Variants in AUTS2 observed in about 807,000 individuals in gnomAD.
The protein encoded by AUTS2 is activator of transcription and developmental regulator AUTS2, also known as autism susceptibility gene 2 protein.
A neutral mutation model predicts 112.4 loss-of-function variants in AUTS2; 17 were observed. The observed-to-expected ratio is 0.15, with a 90% CI of 0.10 to 0.23. The LOEUF is 0.23. Among genes scored for constraint, AUTS2 ranks in the 10% least tolerant of loss-of-function variants. The pLI is 1.00. For synonymous variants in AUTS2, 751 were observed against 702.7 expected (o/e 1.07, Z -1.09); for missense variants, 1,510 against 1,701.6 (o/e 0.89, Z 1.98).
At chr7:69,821,089 G>A (rs908958310) in intron 1 of AUTS2, among the ~76,000 whole-genome samples, 2 of 152,158 alleles carry the variant, frequency 1.3e-5, no homozygotes, top group African/African-American at 2.4e-5. Flanking sequence ...AGGGGTAACT[G>A]TAAAAAGTGA....
chr7:70,063,481 G>A (rs187730838), intron 2 of AUTS2, among the ~76,000 whole-genome samples: 2 of 152,160 alleles, frequency 1.3e-5, no homozygotes, highest in East Asian at 3.9e-4. Context: ...TGTGATCATG[G>A]GCGAGTTATT....
chr7:70,665,286 CAG>C, intron 5 of AUTS2, among the ~76,000 whole-genome samples: 1 of 151,890 alleles, frequency 6.6e-6, no homozygotes. Flanking sequence ...TCTCCTAAGA[CAG>C]GGTCTCGTTC....
At chr7:69,996,256 A>G (rs1200541288) in intron 2 of AUTS2, among the ~76,000 whole-genome samples, 1 of 152,208 alleles carries the variant, frequency 6.6e-6, no homozygotes, top group East Asian at 1.9e-4. Context: ...TGCTATGGCA[A>G]GGTATGCTAC....
At chr7:69,732,614 C>T (rs955021319) in intron 1 of AUTS2, among the ~76,000 whole-genome samples, 2 of 151,968 alleles carry the variant, frequency 1.3e-5, no homozygotes, top group African/African-American at 4.8e-5. Context: ...AAAGTGTTGG[C>T]TATGGTTAAT....
At chr7:70,633,578 T>C (rs1805381338) in intron 5 of AUTS2, among the ~76,000 whole-genome samples, 1 of 132,214 alleles carries the variant, frequency 7.6e-6, no homozygotes, top group African/African-American at 3.0e-5. Context: ...ACCACTGCAC[T>C]CTAGCCTGGG....
intron 4 of AUTS2, among the ~76,000 whole-genome samples, chr7:70,377,325 AAT>A (rs58244266): frequency 0.058 from 2,988 of 51,390 alleles, 66 homozygotes; most frequent in Non-Finnish European, 0.062. Context: ...AACAAATATA[AAT>A]ATATATATAT....
chr7:70,227,102 T>A (rs1335378552), intron 4 of AUTS2, among the ~76,000 whole-genome samples: 2 of 152,172 alleles, frequency 1.3e-5, no homozygotes, highest in Non-Finnish European at 1.5e-5. Context: ...AGCCAGGAAG[T>A]TAAACTAGAT....
chr7:69,648,465 A>G (rs1379904110), intron 1 of AUTS2, among the ~76,000 whole-genome samples: 1 of 151,870 alleles, frequency 6.6e-6, no homozygotes, highest in South Asian at 2.1e-4. Flanking sequence ...AAAAAAAAAA[A>G]AAACTCCACG....
chr7:70,085,640 T>G (rs577467335), intron 2 of AUTS2, among the ~76,000 whole-genome samples: 3 of 152,344 alleles, frequency 2.0e-5, no homozygotes, highest in African/African-American at 7.2e-5. Flanking sequence ...GAGCTGGGAT[T>G]ACAGGCATGA....
At chr7:70,128,278 T>G (rs533329361) in intron 3 of AUTS2, among the ~76,000 whole-genome samples, 2 of 152,362 alleles carry the variant, frequency 1.3e-5, no homozygotes, top group South Asian at 4.1e-4. Flanking sequence ...TCAGGTATAG[T>G]CTGGGCATTT....
chr7:70,175,032 C>T (rs1437219187), intron 4 of AUTS2, among the ~76,000 whole-genome samples: 1 of 152,078 alleles, frequency 6.6e-6, no homozygotes, highest in Non-Finnish European at 1.5e-5. Flanking sequence ...TGGATCTGGG[C>T]AAAGTCAATT....
chr7:70,486,888 T>G (rs1269324398), intron 5 of AUTS2, among the ~76,000 whole-genome samples: 1 of 124,764 alleles, frequency 8.0e-6, no homozygotes, highest in African/African-American at 3.0e-5. Context: ...TGTTTTGTTG[T>G]TTTTGTATTC....
At chr7:69,824,287 T>C (rs1049645225) in intron 1 of AUTS2, among the ~76,000 whole-genome samples, 8 of 151,942 alleles carry the variant, frequency 5.3e-5, no homozygotes, top group African/African-American at 1.9e-4. Context: ...GTGGCACCTG[T>C]TGTCCCAGCT....
chr7:70,749,077 G>C (rs991988384), intron 6 of AUTS2, among the ~76,000 whole-genome samples: 1 of 152,144 alleles, frequency 6.6e-6, no homozygotes, highest in Non-Finnish European at 1.5e-5. Context: ...TCGTGAATAT[G>C]TTGTTTTTGG....
At chr7:70,628,996 C>T (rs1027784867) in intron 5 of AUTS2, among the ~76,000 whole-genome samples, 4 of 152,066 alleles carry the variant, frequency 2.6e-5, no homozygotes, top group African/African-American at 4.8e-5. Context: ...CAAGAGAGGA[C>T]GAGTTTAGTA....
intron 2 of AUTS2, among the ~76,000 whole-genome samples, chr7:69,948,710 C>T (rs928349390): frequency 4.6e-5 from 7 of 152,012 alleles, no homozygotes; most frequent in African/African-American, 1.7e-4. Context: ...AGATGAACTG[C>T]TTTATATCAC....
At chr7:70,136,782 G>A (rs1371562744) in intron 4 of AUTS2, among the ~76,000 whole-genome samples, 4 of 152,144 alleles carry the variant, frequency 2.6e-5, no homozygotes, top group African/African-American at 9.7e-5. Context: ...CATGAATTCT[G>A]GTGTAAGAAA....
At chr7:70,487,208 A>C (rs1470515535) in intron 5 of AUTS2, among the ~76,000 whole-genome samples, 1 of 151,900 alleles carries the variant, frequency 6.6e-6, no homozygotes, top group East Asian at 1.9e-4. Flanking sequence ...CATCTACCTC[A>C]TCCTTCTCCT....
intron 1 of AUTS2, among the ~76,000 whole-genome samples, chr7:69,898,980 C>G (rs1794861265): frequency 6.6e-6 from 1 of 152,024 alleles, no homozygotes; most frequent in African/African-American, 2.4e-5. Context: ...TGTGCTGGAC[C>G]CAGCACCAAA....
Sources: allele counts gnomAD v4.1 joint callset (sites outside exome capture counted in the v4.1 genomes callset), GRCh38; gene constraint gnomAD v4.1.1; transcripts MANE v1.5; gene names NCBI Gene and HGNC (gene_info 2026-07-23, HGNC 2026-07-21).